Variants in MAGI2 observed in about 807,000 individuals in gnomAD.
The protein encoded by MAGI2 is membrane-associated guanylate kinase, WW and PDZ domain-containing protein 2.
Under a neutral mutation model 133.3 loss-of-function variants are expected in MAGI2, and 35 were observed. That is an observed-to-expected ratio of 0.26 (90% CI 0.20 to 0.35). The LOEUF is 0.35. Among genes scored for constraint, MAGI2 ranks in the 10% least tolerant of loss-of-function variants. The probability of loss-of-function intolerance (pLI) is 1.00; values close to 1 mark genes in which losing one functional copy is unlikely to be tolerated. For missense variants in MAGI2, 1,636 were observed against 1,863.4 expected, an observed-to-expected ratio of 0.88 and a Z score of 2.25; for synonymous variants, 729 against 710.6, an observed-to-expected ratio of 1.03 and a Z score of -0.41.
intron 21 of MAGI2, among the ~76,000 whole-genome samples, chr7:78,030,251 T>C (rs540040221): frequency 1.3e-5 from 2 of 152,300 alleles, no homozygotes; most frequent in East Asian, 3.9e-4. Context: ...AAATTAATAG[T>C]TTGAATCCAG....
chr7:78,927,617 A>C (rs1799812621), intron 2 of MAGI2, among the ~76,000 whole-genome samples: 1 of 151,940 alleles, frequency 6.6e-6, no homozygotes, highest in Admixed American at 6.6e-5. Flanking sequence ...ACACTAAGTA[A>C]ATCTATGATT....
In MAGI2 at chr7:78,235,800, G is replaced by A. The variant is rs147954839; in HGVS notation, c.2047+20143C>T. Among the ~76,000 whole-genome samples the A allele has an allele frequency of 8.5e-5, 13 of 152,110 alleles. No homozygotes were observed. In the South Asian group the frequency reaches 1.2e-3, roughly 15 times the overall value. On this transcript the variant is annotated intron_variant, in intron 10 of 21. Transcript: ENST00000354212. ...GGATCCCCCAACTCATAAAATAGAC[G>A]ATTGTAACTAAGCCTGTGAATCCAG...
At position 79,328,582 on chromosome 7, in the gene MAGI2, CACAG is replaced by C. The variant is rs569832348; in HGVS notation, c.301+124434_301+124437del. Among the ~76,000 whole-genome samples, 485 of 152,266 alleles carry C rather than the reference CACAG, an allele frequency of 3.2e-3. 1 individual carries two copies. Among genetic ancestry groups the C allele is most frequent in the Non-Finnish European group, 5.6e-3 (380 of 68,008 alleles). ...ATAACATCAAATGCAAATTCAGCTC[CACAG>C]ACACTGGAGTCATTTCTTTTTCTCT... On this transcript the variant is annotated intron_variant, in intron 1 of 21. Transcript: ENST00000354212.
intron 3 of MAGI2, among the ~76,000 whole-genome samples, chr7:78,624,342 T>A (rs1056702777): frequency 1.3e-5 from 2 of 152,134 alleles, no homozygotes; most frequent in Admixed American, 1.3e-4. Context: ...TCAATTCGCT[T>A]TTGTTGCAAT....
At chr7:78,334,287 C>T (rs947426943) in intron 9 of MAGI2, among the ~76,000 whole-genome samples, 8 of 152,154 alleles carry the variant, frequency 5.3e-5, no homozygotes, top group Non-Finnish European at 1.0e-4. Flanking sequence ...AACTACTCAT[C>T]GGAGAGCAGG....
At position 78,177,870 on chromosome 7, in the gene MAGI2, GA is replaced by G. The variant is rs113984102; in HGVS notation, c.2403+140del. The G allele has an allele frequency of 8.6e-3, 4,501 of 521,788 alleles. 34 individuals carry two copies. The highest frequency in any genetic ancestry group is 0.041 in the African/African-American group (2,077 of 50,510). 32.3% of individuals were successfully genotyped at this position (521,788 alleles called of 1,614,324 possible). A position where few individuals can be genotyped will look rare whatever the true frequency, so the allele number is the denominator to read the frequency against. On this transcript the variant is annotated intron_variant, in intron 14 of 21. Coordinates refer to ENST00000354212, the MANE Select transcript of MAGI2 (RefSeq NM_012301.4). The stretch of plus-strand genomic sequence containing the variant: ...AGATCTTTTTAAAGAAAACAGCAAG[GA>G]AAAAAAAAATCCAAAGCTTAAACTT...
intron 3 of MAGI2, among the ~76,000 whole-genome samples, chr7:78,621,595 G>T (rs977292629): frequency 6.6e-6 from 1 of 151,908 alleles, no homozygotes; most frequent in Non-Finnish European, 1.5e-5. Context: ...ATTCAGAATT[G>T]GGGGGTGGAA....
At chr7:79,219,765 C>T (rs1322545393) in intron 1 of MAGI2, among the ~76,000 whole-genome samples, 7 of 151,926 alleles carry the variant, frequency 4.6e-5, no homozygotes, top group African/African-American at 1.5e-4. Flanking sequence ...TCCCTGTGCT[C>T]AGTATTTGAG....
chr7:78,563,921 T>C (rs921597543), intron 3 of MAGI2, among the ~76,000 whole-genome samples: 1 of 152,236 alleles, frequency 6.6e-6, no homozygotes, highest in African/African-American at 2.4e-5. Context: ...TGTAAGACTC[T>C]TAAATTCTAT....
chr7:78,766,332 G>C (rs1018980548), intron 2 of MAGI2, among the ~76,000 whole-genome samples: 1 of 152,132 alleles, frequency 6.6e-6, no homozygotes, highest in Non-Finnish European at 1.5e-5. Flanking sequence ...TGCAGGACTG[G>C]TGTATTAGAG....
chr7:78,532,228 C>T (rs909868865), intron 3 of MAGI2, among the ~76,000 whole-genome samples: 5 of 152,156 alleles, frequency 3.3e-5, no homozygotes, highest in African/African-American at 1.2e-4. Context: ...GATGCAAGGA[C>T]AACAGGTTTT....
At chr7:78,114,881 C>T (rs749553502) in intron 20 of MAGI2, among the ~76,000 whole-genome samples, 53 of 152,106 alleles carry the variant, frequency 3.5e-4, no homozygotes, top group Admixed American at 5.2e-4. Context: ...GGCGGGCACA[C>T]GGGAGGCACC....
At chr7:79,190,654 G>A (rs1247088688) in intron 1 of MAGI2, among the ~76,000 whole-genome samples, 1 of 151,698 alleles carries the variant, frequency 6.6e-6, no homozygotes, top group Non-Finnish European at 1.5e-5. Flanking sequence ...CAATAAACAA[G>A]GCTTTTTGGT....
At chr7:79,077,280 C>T (rs1016063474) in intron 1 of MAGI2, among the ~76,000 whole-genome samples, 1 of 151,744 alleles carries the variant, frequency 6.6e-6, no homozygotes, top group Non-Finnish European at 1.5e-5. Context: ...TTTTTTGGGC[C>T]GGCGCGGTGG....
chr7:78,315,741 C>A (rs916028300), intron 9 of MAGI2, among the ~76,000 whole-genome samples: 1 of 152,154 alleles, frequency 6.6e-6, no homozygotes, highest in Non-Finnish European at 1.5e-5. Context: ...AGCTTCTTTA[C>A]TGTTCCATTT....
intron 9 of MAGI2, among the ~76,000 whole-genome samples, chr7:78,282,191 G>A (rs1795676991): frequency 6.6e-6 from 1 of 152,012 alleles, no homozygotes; most frequent in Non-Finnish European, 1.5e-5. Context: ...TATAATCAAT[G>A]TCCTGGAGAC....
intron 1 of MAGI2, among the ~76,000 whole-genome samples, chr7:79,096,978 G>A (rs1193324897): frequency 2.0e-5 from 3 of 152,054 alleles, no homozygotes; most frequent in Admixed American, 2.0e-4. Context: ...TCCTCCCAAG[G>A]TAGTAAGATT....
chr7:78,528,663 A>G (rs1355542846), intron 3 of MAGI2, among the ~76,000 whole-genome samples: 2 of 152,126 alleles, frequency 1.3e-5, no homozygotes, highest in Admixed American at 6.6e-5. Context: ...TTGTCAACCA[A>G]TTTTTGAAAT....
At chr7:78,982,033 C>G (rs1323592104) in intron 2 of MAGI2, among the ~76,000 whole-genome samples, 1 of 151,756 alleles carries the variant, frequency 6.6e-6, no homozygotes, top group Non-Finnish European at 1.5e-5. Flanking sequence ...TCAGGCAGGT[C>G]CAAAACCTGG....
Sources: allele counts gnomAD v4.1 joint callset (sites outside exome capture counted in the v4.1 genomes callset), GRCh38; gene constraint gnomAD v4.1.1; transcripts MANE v1.5; gene names NCBI Gene and HGNC (gene_info 2026-07-23, HGNC 2026-07-21).